HS6ST3: variants seen among roughly 807,000 people sequenced by gnomAD.
The protein encoded by HS6ST3 is heparan-sulfate 6-O-sulfotransferase 3.
Under a neutral mutation model 36.7 loss-of-function variants are expected in HS6ST3, and 12 were observed. The observed-to-expected ratio is 0.33, with a 90% CI of 0.21 to 0.53. HS6ST3 has a LOEUF of 0.53. HS6ST3 is among the 20% of genes least tolerant of loss of function. HS6ST3 has a pLI of 0.95. For synonymous variants in HS6ST3, 240 were observed against 257.5 expected (o/e 0.93, Z 0.65); for missense variants, 584 against 640.9 (o/e 0.91, Z 0.96).
intron 1 of HS6ST3, among the ~76,000 whole-genome samples, chr13:96,778,053 G>A (rs1322885153): frequency 6.6e-6 from 1 of 152,080 alleles, no homozygotes; most frequent in Non-Finnish European, 1.5e-5. Context: ...TGACAAACCT[G>A]ACAAAAACAA....
At chr13:96,104,353 CATGG>C (rs2053831459) in intron 1 of HS6ST3, among the ~76,000 whole-genome samples, 2 of 152,266 alleles carry the variant, frequency 1.3e-5, no homozygotes, top group South Asian at 2.1e-4. Context: ...GACAGATTTC[CATGG>C]CTTGAGACCT....
Position 96,833,130 on chromosome 13 carries a change from C to A in HS6ST3, c.1348C>A (p.Pro450Thr), listed in dbSNP as rs756562993. The A allele has an allele frequency of 1.2e-6, 2 of 1,600,834 alleles. No individual in the cohort carries two copies. The highest frequency in any genetic ancestry group is 1.7e-6 in the Non-Finnish European group (2 of 1,179,330). ...GCGAGAGCACAGGGACCACCAGTGGCCCAAAGAAGATGGGGCTGCAGAAGG... is the reference window on the plus strand; with the variant it reads ...GCGAGAGCACAGGGACCACCAGTGGACCAAAGAAGATGGGGCTGCAGAAGG... ...LQREHRDHQW[P>T]KEDGAAEGTV... Residue 450 changes from proline to threonine, a missense_variant, in exon 2 of 2, where the codon CCC becomes ACC. Transcript: ENST00000376705.
chr13:96,186,272 C>G (rs1249675176), intron 1 of HS6ST3, among the ~76,000 whole-genome samples: 2 of 152,156 alleles, frequency 1.3e-5, no homozygotes, highest in African/African-American at 4.8e-5. Flanking sequence ...ACAAAGAATA[C>G]ATGCTCCCTC....
intron 1 of HS6ST3, among the ~76,000 whole-genome samples, chr13:96,093,072 C>A (rs1184065280): frequency 2.0e-5 from 3 of 152,200 alleles, no homozygotes; most frequent in Non-Finnish European, 1.5e-5. Flanking sequence ...ACAATTTCTG[C>A]TACATTTCAT....
intron 1 of HS6ST3, among the ~76,000 whole-genome samples, chr13:96,145,192 T>C (rs947283343): frequency 8.9e-4 from 133 of 149,272 alleles, no homozygotes; most frequent in African/African-American, 3.2e-3. Flanking sequence ...CTGGGTCAAA[T>C]GGTATTTCTA....
chr13:96,382,405 G>A (rs1036188733), intron 1 of HS6ST3, among the ~76,000 whole-genome samples: 4 of 152,142 alleles, frequency 2.6e-5, no homozygotes, highest in Non-Finnish European at 4.4e-5. Context: ...GTGTTATTAG[G>A]TAAGCTATTA....
chr13:96,252,928 C>T (rs999038605), intron 1 of HS6ST3, among the ~76,000 whole-genome samples: 2 of 152,090 alleles, frequency 1.3e-5, no homozygotes, highest in Non-Finnish European at 2.9e-5. Flanking sequence ...CTGCAGCCTG[C>T]AGAACCATGA....
At chr13:96,437,144 C>A (rs2139478063) in intron 1 of HS6ST3, among the ~76,000 whole-genome samples, 1 of 152,276 alleles carries the variant, frequency 6.6e-6, no homozygotes, top group South Asian at 2.1e-4. Context: ...CTAAACTCCT[C>A]TAAGTTTTGA....
At chr13:96,590,481 G>A (rs2056378293) in intron 1 of HS6ST3, among the ~76,000 whole-genome samples, 1 of 151,838 alleles carries the variant, frequency 6.6e-6, no homozygotes, top group South Asian at 2.1e-4. Flanking sequence ...CCATTTGTAT[G>A]TCTTCTTTTG....
rs147683197 is a variant in HS6ST3 at position 96,155,485 on chromosome 13, A to G, written c.707+63916A>G. On this transcript the variant is annotated intron_variant, in intron 1 of 1. Coordinates refer to ENST00000376705, the MANE Select transcript of HS6ST3 (RefSeq NM_153456.4). ...GCCCTAGATGTGGCACTAGGGAAGGAGGAAGACATCAGAGGTTAATACAAG... is the reference window on the plus strand; with the variant it reads ...GCCCTAGATGTGGCACTAGGGAAGGGGGAAGACATCAGAGGTTAATACAAG... 5.9e-4 allele frequency among the ~76,000 whole-genome samples: 90 copies of G among 152,318 alleles called. 2 individuals carry two copies. The highest frequency in any genetic ancestry group is 2.0e-3 in the African/African-American group (84 of 41,582).
intron 1 of HS6ST3, among the ~76,000 whole-genome samples, chr13:96,644,322 G>C (rs2056580643): frequency 6.6e-6 from 1 of 151,996 alleles, no homozygotes; most frequent in African/African-American, 2.4e-5. Context: ...ATGTCATATA[G>C]ATTCGGGGTC....
At chr13:96,761,809 C>A (rs1282129626) in intron 1 of HS6ST3, among the ~76,000 whole-genome samples, 1 of 152,166 alleles carries the variant, frequency 6.6e-6, no homozygotes, top group Non-Finnish European at 1.5e-5. Flanking sequence ...GACACACACA[C>A]ATACACATAT....
intron 1 of HS6ST3, among the ~76,000 whole-genome samples, chr13:96,411,712 G>A (rs116262414): frequency 6.6e-6 from 1 of 152,292 alleles, no homozygotes; most frequent in African/African-American, 2.4e-5. Context: ...CAATTAGTTA[G>A]GTATTGCAGA....
intron 1 of HS6ST3, among the ~76,000 whole-genome samples, chr13:96,136,091 A>G (rs535699865): frequency 8.5e-5 from 13 of 152,252 alleles, no homozygotes; most frequent in African/African-American, 2.4e-4. Context: ...GGGTATGCTT[A>G]AGGTAAGTTA....
At chr13:96,246,795 C>T (rs1460605716) in intron 1 of HS6ST3, among the ~76,000 whole-genome samples, 1 of 152,090 alleles carries the variant, frequency 6.6e-6, no homozygotes, top group African/African-American at 2.4e-5. Context: ...GCTTCTTCCC[C>T]ACGATGGAAT....
rs551578718 is a variant in HS6ST3 at position 96,644,381 on chromosome 13, T to C, written c.708-188109T>C. ...TGTGTACTGAATCAAAACATATTCC[T>C]ATTCTCTTAAAGGTATATGAAGCCC... On this transcript the variant is annotated intron_variant, in intron 1 of 1. Coordinates refer to ENST00000376705, the MANE Select transcript of HS6ST3 (RefSeq NM_153456.4). 3.9e-5 allele frequency among the ~76,000 whole-genome samples: 6 copies of C among 152,164 alleles called. No individual in the cohort carries two copies. The East Asian group carries it at 1.2e-3, about 30-fold the overall frequency.
rs372316450 is a variant in HS6ST3 at position 96,240,769 on chromosome 13, G to A, written c.707+149200G>A. On this transcript the variant is annotated intron_variant, in intron 1 of 1. Coordinates refer to ENST00000376705, the MANE Select transcript of HS6ST3 (RefSeq NM_153456.4). Reference sequence around the variant, plus strand: ...GATGCTATTGGAAATTTTAAGGAGAGTCAGGACATGATCCAGTTTTATTTT... The same window carrying A: ...GATGCTATTGGAAATTTTAAGGAGAATCAGGACATGATCCAGTTTTATTTT... Among the ~76,000 whole-genome samples, 6 of 152,218 alleles carry A rather than the reference G, an allele frequency of 3.9e-5. No individual in the cohort carries two copies. The East Asian group carries it at 7.7e-4, about 20-fold the overall frequency.
At chr13:96,338,697 C>G (rs2055114508) in intron 1 of HS6ST3, among the ~76,000 whole-genome samples, 1 of 152,172 alleles carries the variant, frequency 6.6e-6, no homozygotes, top group African/African-American at 2.4e-5. Context: ...CAGCCCTCCC[C>G]TCTTGTGTCA....
chr13:96,626,550 GTATTC>G (rs1305450449), intron 1 of HS6ST3, among the ~76,000 whole-genome samples: 21 of 152,102 alleles, frequency 1.4e-4, no homozygotes, highest in African/African-American at 5.1e-4. Context: ...GGTGGGACAA[GTATTC>G]TATTTTATTT....
Sources: allele counts gnomAD v4.1 joint callset (sites outside exome capture counted in the v4.1 genomes callset), GRCh38; gene constraint gnomAD v4.1.1; transcripts MANE v1.5; gene names NCBI Gene and HGNC (gene_info 2026-07-23, HGNC 2026-07-21).